Variants in OPCML observed in about 807,000 individuals in gnomAD.
OPCML encodes the protein opioid binding protein/cell adhesion molecule like.
Under a neutral mutation model 37.8 loss-of-function variants are expected in OPCML, and 13 were observed. The observed-to-expected ratio is 0.34, with a 90% CI of 0.22 to 0.55. The LOEUF is 0.55. Among genes scored for constraint, OPCML ranks in the 20% least tolerant of loss-of-function variants. OPCML has a pLI of 0.91. For synonymous variants in OPCML, 176 were observed against 168.8 expected (o/e 1.04, Z -0.33); for missense variants, 341 against 435.6 (o/e 0.78, Z 1.93).
At chr11:133,006,843 G>A in intron 1 of OPCML, 3 of 985,424 alleles carry the variant, frequency 3.0e-6, no homozygotes, top group Non-Finnish European at 3.6e-6. Context: ...GGCATGAAGT[G>A]CTGGCCAGGA....
At chr11:132,437,389 T>A in intron 4 of OPCML, 30 bp from the exon 5 acceptor site, 1 of 1,611,082 alleles carries the variant, frequency 6.2e-7, no homozygotes, top group Non-Finnish European at 8.5e-7. Flanking sequence ...CAGGAAACAA[T>A]CAGGAAACTG....
chr11:132,843,611 CAAA>C (rs11284432), intron 2 of OPCML, among the ~76,000 whole-genome samples: 256 of 144,466 alleles, frequency 1.8e-3, no homozygotes, highest in Middle Eastern at 3.5e-3. Flanking sequence ...AGCCTGGCAC[CAAA>C]AAAAAAAAAA....
intron 1 of OPCML, among the ~76,000 whole-genome samples, chr11:133,179,737 T>C (rs138061077): frequency 1.3e-5 from 2 of 152,026 alleles, no homozygotes; most frequent in African/African-American, 4.8e-5. Flanking sequence ...GGAAACAAGA[T>C]GTTGGAACTA....
At chr11:132,975,528 GCAAAAAAAAAAAAAAAAAAAAAAAAAAAA>G (rs1946440734) in intron 1 of OPCML, among the ~76,000 whole-genome samples, 2 of 36,008 alleles carry the variant, frequency 5.6e-5, no homozygotes, top group African/African-American at 1.9e-4. Flanking sequence ...CAGGTTTCAA[GCAAAAAAAAAAAAAAAAAAAAAAAAAAAA>G]AAAAAAAAAA....
At chr11:132,959,514 C>G (rs375955240) in intron 1 of OPCML, among the ~76,000 whole-genome samples, 1 of 152,178 alleles carries the variant, frequency 6.6e-6, no homozygotes, top group Non-Finnish European at 1.5e-5. Context: ...CAAACAGCAT[C>G]GCTTGCTACA....
At chr11:132,928,827 A>G (rs534143388) in intron 2 of OPCML, among the ~76,000 whole-genome samples, 1 of 152,060 alleles carries the variant, frequency 6.6e-6, no homozygotes, top group Admixed American at 6.5e-5. Context: ...AAAACTGGAA[A>G]ATCTACAAAT....
chr11:133,101,588 T>C (rs146776526), intron 1 of OPCML, among the ~76,000 whole-genome samples: 3 of 152,272 alleles, frequency 2.0e-5, no homozygotes, highest in Admixed American at 1.3e-4. Flanking sequence ...GGATGTGATA[T>C]GGAACAACAG....
At chr11:132,596,966 C>G (rs150678227) in intron 3 of OPCML, among the ~76,000 whole-genome samples, 8 of 152,260 alleles carry the variant, frequency 5.3e-5, no homozygotes, top group African/African-American at 1.9e-4. Context: ...ACTTGAATTT[C>G]TAGTAGCTAT....
intron 4 of OPCML, among the ~76,000 whole-genome samples, chr11:132,502,934 T>C (rs897578678): frequency 6.6e-6 from 1 of 152,178 alleles, no homozygotes; most frequent in African/African-American, 2.4e-5. Context: ...TTCGCATCCC[T>C]TATAGCTGAT....
At chr11:132,780,902 G>A (rs1946983401) in intron 2 of OPCML, among the ~76,000 whole-genome samples, 1 of 152,032 alleles carries the variant, frequency 6.6e-6, no homozygotes, top group South Asian at 2.1e-4. Flanking sequence ...AGACTCACTG[G>A]GGAAGTAGTA....
chr11:132,932,504 C>T (rs897194001), intron 2 of OPCML, among the ~76,000 whole-genome samples: 13 of 151,888 alleles, frequency 8.6e-5, no homozygotes, highest in African/African-American at 3.1e-4. Context: ...TCTCTTCCTC[C>T]ATCCCCCTTT....
At chr11:132,551,611 C>T (rs1255923981) in intron 3 of OPCML, among the ~76,000 whole-genome samples, 1 of 152,190 alleles carries the variant, frequency 6.6e-6, no homozygotes, top group Non-Finnish European at 1.5e-5. Flanking sequence ...GATCAGCTGG[C>T]ACCACCCAGT....
At chr11:133,302,547 A>G (rs1942807243) in intron 1 of OPCML, 1 of 152,254 alleles carries the variant, frequency 6.6e-6, no homozygotes, top group Admixed American at 6.5e-5. Flanking sequence ...GAACACATGT[A>G]GGATTCACAC....
intron 2 of OPCML, among the ~76,000 whole-genome samples, chr11:132,896,786 T>A (rs1943868053): frequency 6.6e-6 from 1 of 152,226 alleles, no homozygotes; most frequent in Admixed American, 6.5e-5. Flanking sequence ...GGCGTTTGCA[T>A]ATCAGAGCAC....
chr11:133,176,339 T>TTG (rs1383491028), intron 1 of OPCML, among the ~76,000 whole-genome samples: 1 of 149,098 alleles, frequency 6.7e-6, no homozygotes, highest in Non-Finnish European at 1.5e-5. Context: ...TCATTTTCCT[T>TTG]TTTTTTTTTT....
intron 1 of OPCML, among the ~76,000 whole-genome samples, chr11:133,061,505 A>C (rs1948340458): frequency 6.6e-6 from 1 of 152,182 alleles, no homozygotes; most frequent in Admixed American, 6.5e-5. Flanking sequence ...CACCATAATA[A>C]ACTATCACCT....
In OPCML at chr11:132,420,122, C is replaced by T. The variant is rs2136644528; in HGVS notation, c.*71G>A. 7.8e-7 allele frequency: 1 copy of T among 1,276,466 alleles called. No homozygotes were observed. Among genetic ancestry groups the T allele is most frequent in the Non-Finnish European group, 1.1e-6 (1 of 907,152 alleles). 79.1% of individuals were successfully genotyped at this position (1,276,466 alleles called of 1,614,324 possible). On this transcript the variant is annotated 3_prime_UTR_variant, in exon 8 of 8. Coordinates refer to ENST00000524381, the MANE Select transcript of OPCML (RefSeq NM_001012393.5). ...ACAAAAAGAAGCCCAAGCTGGTTTGCTCTCCGCAGTGTAGATTAAAGTCTG... is the reference window on the plus strand; with the variant it reads ...ACAAAAAGAAGCCCAAGCTGGTTTGTTCTCCGCAGTGTAGATTAAAGTCTG...
At chr11:132,740,740 G>A (rs1945409331) in intron 2 of OPCML, among the ~76,000 whole-genome samples, 1 of 151,248 alleles carries the variant, frequency 6.6e-6, no homozygotes, top group South Asian at 2.1e-4. Flanking sequence ...GCCATGAAGG[G>A]GAGGCATTAT....
At chr11:133,417,917 C>T (rs1332015305) in intron 1 of OPCML, among the ~76,000 whole-genome samples, 2 of 151,056 alleles carry the variant, frequency 1.3e-5, no homozygotes, top group Non-Finnish European at 2.9e-5. Flanking sequence ...ATGCTGATAA[C>T]AATGGAGTAA....
Sources: allele counts gnomAD v4.1 joint callset (sites outside exome capture counted in the v4.1 genomes callset), GRCh38; gene constraint gnomAD v4.1.1; transcripts MANE v1.5; gene names NCBI Gene and HGNC (gene_info 2026-07-23, HGNC 2026-07-21).